GMIP: variants seen among roughly 807,000 people sequenced by gnomAD.
The protein encoded by GMIP is GEM interacting protein.
In GMIP, 54 loss-of-function variants were observed where a neutral mutation model predicts 105.3. The observed-to-expected ratio is 0.51, with a 90% CI of 0.41 to 0.64. The LOEUF (loss-of-function observed/expected upper bound fraction) is 0.64, where lower values mean the gene tolerates loss of function less well. Among genes scored for constraint, GMIP ranks in the 30% least tolerant of loss-of-function variants. The pLI is 0.00. For synonymous variants in GMIP, 541 were observed against 560.8 expected (o/e 0.96, Z 0.50); for missense variants, 1,110 against 1,319.4 (o/e 0.84, Z 2.46).
Position 19,641,799 on chromosome 19 carries a change from G to A in GMIP, c.238+11C>T, listed in dbSNP as rs772936332. 1.2e-6 allele frequency: 2 copies of A among 1,601,096 alleles called. No homozygotes were observed. Among genetic ancestry groups the A allele is most frequent in the Non-Finnish European group, 1.7e-6 (2 of 1,170,886 alleles). ...TCTGTCCCCACTGTCCTGGCCTCCA[G>A]ACCCCCCTACCTGTGAGGGGTACAG... On this transcript the variant is annotated intron_variant, in intron 4 of 20. Coordinates refer to ENST00000203556, the MANE Select transcript of GMIP (RefSeq NM_016573.4).
At chr19:19,641,049 G>A (rs1265463321) in intron 4 of GMIP, among the ~76,000 whole-genome samples, 1 of 152,038 alleles carries the variant, frequency 6.6e-6, no homozygotes, top group African/African-American at 2.4e-5. Flanking sequence ...TTACAGGCAT[G>A]AGCCACCGTG....
rs758393068 is a variant in GMIP, at chr19:19,635,451, G to A, written c.1524C>T (p.Cys508=). Residue 508 remains cysteine (C), a synonymous_variant, in exon 15 of 21, where the codon TGC becomes TGT. Coordinates refer to ENST00000203556, the MANE Select transcript of GMIP (RefSeq NM_016573.4). This position sits in a 1 kb window ranked among gnomAD's most constrained non-coding sequence, Gnocchi z 4.7. ...RLRGPAKCRE[C]EAFMVSGTEC... is the part of the protein sequence containing the mutation. ...CCGTCCCGCTGACCATGAAGGCTTC[G>A]CACTCGCGGCACTTGGCTGGGCCCC... 8.1e-6 allele frequency: 13 copies of A among 1,609,442 alleles called. No individual in the cohort carries two copies. The highest frequency in any genetic ancestry group is 3.3e-5 in the Admixed American group (2 of 59,992).
chr19:19,640,414 GGT>G (rs1444151991), intron 5 of GMIP, 30 bp downstream of exon 5: 1 of 1,614,090 alleles, frequency 6.2e-7, no homozygotes, highest in Non-Finnish European at 8.5e-7. Flanking sequence ...GGGACTGCCT[GGT>G]AACTGGGGCT....
chr19:19,637,636 G>T lies in GMIP; in HGVS notation c.928-75C>A. On this transcript the variant is annotated intron_variant, in intron 10 of 20. Transcript: ENST00000203556. This position sits in a 1 kb window ranked among gnomAD's most constrained non-coding sequence, Gnocchi z 6.7. ...GGGGCAGGGCCAGAGCTGGGGCGGG[G>T]CTTGAGAGACGCGAACGTGGTCAGG... The T allele has an allele frequency of 8.1e-7, 1 of 1,232,414 alleles. No individual in the cohort carries two copies. The highest frequency in any genetic ancestry group is 1.1e-6 in the Non-Finnish European group (1 of 917,828). 76.3% of individuals were successfully genotyped at this position (1,232,414 alleles called of 1,614,324 possible). A position where few individuals can be genotyped will look rare whatever the true frequency, so the allele number is the denominator to read the frequency against.
In GMIP at chr19:19,637,652, C is replaced by A; in HGVS notation, c.928-91G>T. ...TGGGGCGGGGCTTGAGAGACGCGAA[C>A]GTGGTCAGGGTTTGGGACGCACCTG... On this transcript the variant is annotated intron_variant, in intron 10 of 20. Coordinates refer to ENST00000203556, the MANE Select transcript of GMIP (RefSeq NM_016573.4). This position sits in a 1 kb window ranked among gnomAD's most constrained non-coding sequence, Gnocchi z 6.7. 8.9e-7 allele frequency: 1 copy of A among 1,119,084 alleles called. No individual in the cohort carries two copies. The highest frequency in any genetic ancestry group is 1.2e-6 in the Non-Finnish European group (1 of 817,836). 69.3% of individuals were successfully genotyped at this position (1,119,084 alleles called of 1,614,324 possible).
chr19:19,639,164 G>C (rs568350087), intron 7 of GMIP, among the ~76,000 whole-genome samples: 1 of 151,854 alleles, frequency 6.6e-6, no homozygotes, highest in Non-Finnish European at 1.5e-5. Context: ...TCGAACTCCT[G>C]GCCTCAAGCA....
rs1319390809 is a variant in GMIP at position 19,634,583 on chromosome 19, A to T, written c.2008T>A (p.Ser670Thr). 1.2e-6 allele frequency: 2 copies of T among 1,613,554 alleles called. No homozygotes were observed. The highest frequency in any genetic ancestry group is 1.7e-6 in the Non-Finnish European group (2 of 1,179,822). Residue 670 changes from serine to threonine, a missense_variant, in exon 18 of 21, where the codon TCG becomes ACG. Physicochemically the swap from Ser to Thr is moderately conservative, Grantham distance 58 (BLOSUM62 1). Coordinates refer to ENST00000203556, the MANE Select transcript of GMIP (RefSeq NM_016573.4). This position sits in a 1 kb window ranked among gnomAD's most constrained non-coding sequence, Gnocchi z 6.1. ...TPSPSPEVIR[S>T]LKTLLVQLPD... ...AGCTGTACCAAGAGGGTCTTCAGCG[A>T]GCGGATAACCTCAGGGCTGGGGCTG...
rs754603149 is a variant in GMIP at position 19,637,958 on chromosome 19, G to A, written c.889C>T (p.Arg297Cys). Residue 297 changes from arginine (R) to cysteine (C), a missense_variant, in exon 10 of 21, where the codon CGC becomes TGC. Arg to Cys is a radical substitution (Grantham distance 180, BLOSUM62 -3). This residue lies in a region of GMIP where 667 missense variants were observed against 773.2 expected (regional missense o/e 0.86). Coordinates refer to ENST00000203556, the MANE Select transcript of GMIP (RefSeq NM_016573.4). The surrounding 1 kb of genome is among the most constrained non-coding windows in gnomAD (Gnocchi z 6.7). ...IAKQRIVSHV[R>C]KLVFQGDEVL... ...TCATCCCCCTGAAACACCAGCTTGC[G>A]CACGTGCGACACGATTCGCTGCTTG... The A allele has an allele frequency of 6.2e-7, 1 of 1,610,552 alleles. No individual in the cohort carries two copies. The highest frequency in any genetic ancestry group is 8.5e-7 in the Non-Finnish European group (1 of 1,179,094).
chr19:19,631,819 C>G (rs964685383), intron 19 of GMIP, among the ~76,000 whole-genome samples: 4 of 151,636 alleles, frequency 2.6e-5, no homozygotes, highest in Non-Finnish European at 5.9e-5. Flanking sequence ...AACCCCGTCT[C>G]TACTAAAAAT....
In GMIP at chr19:19,634,356, T is replaced by A; in HGVS notation, c.2084+151A>T. ...TCCAGAACTGGAGGTCAGGGGTCAGTACCCAAAGTTATGAATCATGGATTA... is the reference window on the plus strand; with the variant it reads ...TCCAGAACTGGAGGTCAGGGGTCAGAACCCAAAGTTATGAATCATGGATTA... On this transcript the variant is annotated intron_variant, in intron 18 of 20. Coordinates refer to ENST00000203556, the MANE Select transcript of GMIP (RefSeq NM_016573.4). The surrounding 1 kb of genome is among the most constrained non-coding windows in gnomAD (Gnocchi z 6.1). 1 of 970,934 alleles carries A rather than the reference T, an allele frequency of 1.0e-6. No homozygotes were observed. The highest frequency in any genetic ancestry group is 1.6e-5 in the African/African-American group (1 of 60,998). 60.1% of individuals were successfully genotyped at this position (970,934 alleles called of 1,614,324 possible).
In GMIP at chr19:19,630,396, G is replaced by A. The variant is rs766001537; in HGVS notation, c.2540-60C>T. Reference sequence around the variant, plus strand: ...TCCAAGTTCTCTGTATATCCCCCCAGGAGTCATCTTTTAGCAAGCCACCCT... The same window carrying A: ...TCCAAGTTCTCTGTATATCCCCCCAAGAGTCATCTTTTAGCAAGCCACCCT... On this transcript the variant is annotated intron_variant, in intron 20 of 20. Transcript: ENST00000203556. The surrounding 1 kb of genome is among the most constrained non-coding windows in gnomAD (Gnocchi z 4.8). The A allele has an allele frequency of 6.3e-7, 1 of 1,588,500 alleles. No individual in the cohort carries two copies. Among genetic ancestry groups the A allele is most frequent in the Non-Finnish European group, 8.6e-7 (1 of 1,168,062 alleles).
chr19:19,635,496 G>A lies in GMIP; in HGVS notation c.1479C>T (p.Thr493=), dbSNP rs1180806048. The A allele has an allele frequency of 3.1e-6, 5 of 1,612,062 alleles. No homozygotes were observed. Among genetic ancestry groups the A allele is most frequent in the Non-Finnish European group, 4.2e-6 (5 of 1,179,990 alleles). Reference sequence around the variant, plus strand: ...GGCCCCGCAGTCGCCGCAGCTGGTGGGTCTGAGCCGCGCTGGACAGTGTCC... The same window carrying A: ...GGCCCCGCAGTCGCCGCAGCTGGTGAGTCTGAGCCGCGCTGGACAGTGTCC... ...GKWTLSSAAQ[T]HQLRRLRGPA... The change falls in exon 15 of 21, where the codon ACC becomes ACT. Residue 493 remains threonine, a synonymous_variant. Transcript: ENST00000203556. This position sits in a 1 kb window ranked among gnomAD's most constrained non-coding sequence, Gnocchi z 4.7.
rs766881890 is a variant in GMIP, at chr19:19,635,434, C to T, written c.1541G>A (p.Ser514Asn). The T allele has an allele frequency of 6.2e-7, 1 of 1,609,644 alleles. No homozygotes were observed. The highest frequency in any genetic ancestry group is 1.3e-5 in the African/African-American group (1 of 75,034). The change falls in exon 15 of 21, where the codon AGC (serine) becomes AAC (asparagine). Residue 514 changes from serine to asparagine, a missense_variant. Physicochemically the swap from Ser to Asn is conservative, Grantham distance 46. Coordinates refer to ENST00000203556, the MANE Select transcript of GMIP (RefSeq NM_016573.4). This position sits in a 1 kb window ranked among gnomAD's most constrained non-coding sequence, Gnocchi z 4.7. ...CCACACCTCCTCACACTCCGTCCCG[C>T]TGACCATGAAGGCTTCGCACTCGCG... is the stretch of plus-strand genomic sequence containing the variant. ...KCRECEAFMV[S>N]GTECEECFLT...
rs1177443584 is a variant in GMIP, at chr19:19,638,122, G to A, written c.789+37C>T. ...TGGGCGAGAGTGGAGGGCAGGGGGC[G>A]CCACAGCGCTACAGGGGCTCGGGGC... On this transcript the variant is annotated intron_variant, in intron 9 of 20. Coordinates refer to ENST00000203556, the MANE Select transcript of GMIP (RefSeq NM_016573.4). 3.9e-5 allele frequency: 61 copies of A among 1,562,034 alleles called. 1 individual carries two copies. The highest frequency in any genetic ancestry group is 5.1e-5 in the Non-Finnish European group (59 of 1,161,752).
chr19:19,635,218 GGGGAA>G lies in GMIP; in HGVS notation c.1561-10_1561-6del, dbSNP rs1254967649. 6.2e-7 allele frequency: 1 copy of G among 1,609,000 alleles called. No individual in the cohort carries two copies. The highest frequency in any genetic ancestry group is 8.5e-7 in the Non-Finnish European group (1 of 1,177,374). The stretch of plus-strand genomic sequence containing the variant: ...CTTGTGGCAGGTCAGAAAGCACTGT[GGGGAA>G]GGTCACAGGGACAGGGAGGTCATTA... On this transcript the variant is annotated splice_region_variant and splice_polypyrimidine_tract_variant and intron_variant, in intron 15 of 20. Transcript: ENST00000203556. The surrounding 1 kb of genome is among the most constrained non-coding windows in gnomAD (Gnocchi z 4.7).
chr19:19,633,769 C>A, intron 19 of GMIP, 34 bp downstream of exon 19: 2 of 1,373,220 alleles, frequency 1.5e-6, no homozygotes, highest in Non-Finnish European at 9.5e-7. Flanking sequence ...GAGATAAGGC[C>A]CTCTCCATAG....
rs775107487 is a variant in GMIP, at chr19:19,635,169, G to A, written c.1605C>T (p.Ile535=). 5.0e-6 allele frequency: 8 copies of A among 1,613,756 alleles called. No individual in the cohort carries two copies. The highest frequency in any genetic ancestry group is 5.1e-6 in the Non-Finnish European group (6 of 1,179,854). Residue 535 remains isoleucine, a synonymous_variant, in exon 16 of 21, where the codon ATC becomes ATT. Coordinates refer to ENST00000203556, the MANE Select transcript of GMIP (RefSeq NM_016573.4). The surrounding 1 kb of genome is among the most constrained non-coding windows in gnomAD (Gnocchi z 4.7). The part of the protein sequence containing the change: ...CHKRCLETLL[I]LCGHRRLPAR... The stretch of plus-strand genomic sequence containing the variant: ...CTGGGAGCCGCCTGTGTCCACAGAG[G>A]ATCAGGAGAGTCTCCAGGCAGCGCT...
In GMIP at chr19:19,635,474, C is replaced by A. The variant is rs749020673; in HGVS notation, c.1501G>T (p.Gly501Cys). 3.1e-6 allele frequency: 5 copies of A among 1,610,456 alleles called. No individual in the cohort carries two copies. The highest frequency in any genetic ancestry group is 1.9e-4 in the Middle Eastern group (1 of 5,340). ...AQTHQLRRLR[G>C]PAKCRECEAF... ...TCGCACTCGCGGCACTTGGCTGGGCCCCGCAGTCGCCGCAGCTGGTGGGTC... is the reference window on the plus strand; with the variant it reads ...TCGCACTCGCGGCACTTGGCTGGGCACCGCAGTCGCCGCAGCTGGTGGGTC... Residue 501 changes from glycine (G) to cysteine (C), a missense_variant, in exon 15 of 21, where the codon GGC becomes TGC. By Grantham distance (159) the Gly-to-Cys change is radical. This residue lies in a region of GMIP where 667 missense variants were observed against 773.2 expected (regional missense o/e 0.86). Transcript: ENST00000203556. This position sits in a 1 kb window ranked among gnomAD's most constrained non-coding sequence, Gnocchi z 4.7.
At chr19:19,632,364 C>T (rs558833792) in intron 19 of GMIP, among the ~76,000 whole-genome samples, 1 of 152,212 alleles carries the variant, frequency 6.6e-6, no homozygotes, top group African/African-American at 2.4e-5. Context: ...CTTTGGGAGG[C>T]TGAGGTGGGT....
Sources: allele counts gnomAD v4.1 joint callset (sites outside exome capture counted in the v4.1 genomes callset), GRCh38; gene constraint gnomAD v4.1.1; regional missense constraint gnomAD v4.1.1; non-coding constraint Gnocchi (gnomAD v3.1); transcripts MANE v1.5; gene names NCBI Gene and HGNC (gene_info 2026-07-23, HGNC 2026-07-21).